DGKH: variants seen among roughly 807,000 people sequenced by gnomAD.
DGKH encodes the protein diacylglycerol kinase eta, also known as DAG kinase eta.
DGKH carries 90 observed loss-of-function variants against 159.3 expected under a neutral mutation model. The observed-to-expected ratio is 0.57, with a 90% CI of 0.48 to 0.67. The LOEUF is 0.67. DGKH is among the 30% of genes least tolerant of loss of function. The probability of loss-of-function intolerance (pLI) is 0.00; values close to 1 mark genes in which losing one functional copy is unlikely to be tolerated. For missense variants in DGKH, 1,181 were observed against 1,506.1 expected, an observed-to-expected ratio of 0.78 and a Z score of 3.57; for synonymous variants, 536 against 553.8, an observed-to-expected ratio of 0.97 and a Z score of 0.45.
chr13:42,099,837 G>GT (rs926460656), intron 1 of DGKH, among the ~76,000 whole-genome samples: 5 of 152,146 alleles, frequency 3.3e-5, no homozygotes, highest in African/African-American at 1.2e-4. Flanking sequence ...GTTGAAGGAT[G>GT]TTTAGGGTGT....
chr13:42,075,679 G>A (rs1679497491), intron 1 of DGKH, among the ~76,000 whole-genome samples: 1 of 152,088 alleles, frequency 6.6e-6, no homozygotes, highest in Non-Finnish European at 1.5e-5. Flanking sequence ...TGCAGGTGGG[G>A]ACTCTTTTAA....
chr13:42,199,786 A>C, intron 19 of DGKH, 27 bp from the exon 20 acceptor site: 1 of 1,587,884 alleles, frequency 6.3e-7, no homozygotes, highest in South Asian at 1.2e-5. Context: ...AAATTTCCTG[A>C]AATTGCCTGC....
intron 3 of DGKH, among the ~76,000 whole-genome samples, chr13:42,143,577 G>T (rs969524861): frequency 4.6e-5 from 7 of 152,224 alleles, no homozygotes; most frequent in South Asian, 4.1e-4. Context: ...CAATTTCAGA[G>T]CCTGTTATTG....
rs544295432 is a variant in DGKH, at chr13:42,063,084, T to TA, written c.192+14120dup. ...AGAATATTAAAAGCTGTGTGTATTT[T>TA]AGGATTATTGTGAAAATAGTGTTGA... On this transcript the variant is annotated intron_variant, in intron 1 of 29. Transcript: ENST00000337343. Among the ~76,000 whole-genome samples the TA allele has an allele frequency of 5.1e-3, 781 of 152,372 alleles. 4 individuals are homozygous for TA. Among genetic ancestry groups the TA allele is most frequent in the Non-Finnish European group, 7.4e-3 (506 of 68,028 alleles).
chr13:42,179,866 T>C (rs1427644598), intron 13 of DGKH, among the ~76,000 whole-genome samples: 4 of 151,808 alleles, frequency 2.6e-5, no homozygotes, highest in Non-Finnish European at 4.4e-5. Flanking sequence ...TTAAGAATGA[T>C]AGGGAGAAAA....
intron 6 of DGKH, 92 bp from the exon 7 acceptor site, chr13:42,159,919 C>T: frequency 6.3e-7 from 1 of 1,582,318 alleles, no homozygotes; most frequent in East Asian, 2.2e-5. Context: ...TACTACTGAC[C>T]CTCTAGAGTG....
chr13:42,204,878 G>T (rs1449965203), intron 20 of DGKH, among the ~76,000 whole-genome samples: 1 of 152,088 alleles, frequency 6.6e-6, no homozygotes. Context: ...TCCTAGACCA[G>T]TAGGACTTAA....
At chr13:42,123,376 T>C (rs189365408) in intron 1 of DGKH, among the ~76,000 whole-genome samples, 1 of 152,296 alleles carries the variant, frequency 6.6e-6, no homozygotes, top group Non-Finnish European at 1.5e-5. Flanking sequence ...TTGAGATTAA[T>C]AGTCATGCAT....
At chr13:42,143,359 CT>C (rs969199453) in intron 3 of DGKH, among the ~76,000 whole-genome samples, 13 of 151,778 alleles carry the variant, frequency 8.6e-5, no homozygotes, top group African/African-American at 2.9e-4. Flanking sequence ...CTAAAATTCT[CT>C]TTTTTTTGTC....
At chr13:42,247,562 T>G (rs1158840267), downstream of DGKH, among the ~76,000 whole-genome samples, 2 of 152,198 alleles carry the variant, frequency 1.3e-5, no homozygotes, top group Non-Finnish European at 2.9e-5. Flanking sequence ...TAGAGGGTAC[T>G]CCTACTTATT....
In DGKH at chr13:42,048,928, T is replaced by G; in HGVS notation, c.155T>G (p.Ile52Ser). ...GAGCAAGAGGGACCCCAGAAACTGA[T>G]CCGCAAAGTGTCTACCTCGGGGCAG... ...EAEQEGPQKL[I>S]RKVSTSGQIR... Residue 52 changes from isoleucine (I) to serine (S), a missense_variant, in exon 1 of 30, where the codon ATC becomes AGC. Coordinates refer to ENST00000337343, the MANE Select transcript of DGKH (RefSeq NM_178009.5). The surrounding 1 kb of genome is among the most constrained non-coding windows in gnomAD (Gnocchi z 6.7). The G allele has an allele frequency of 7.5e-7, 1 of 1,330,084 alleles. No individual in the cohort carries two copies. Among genetic ancestry groups the G allele is most frequent in the Non-Finnish European group, 9.7e-7 (1 of 1,032,576 alleles). The allele number at this position is 1,330,084 out of a possible 1,614,324, so 82.4% of individuals were successfully genotyped here. A position where few individuals can be genotyped will look rare whatever the true frequency, so the allele number is the denominator to read the frequency against.
intron 3 of DGKH, among the ~76,000 whole-genome samples, chr13:42,132,175 T>A (rs978004174): frequency 6.6e-6 from 1 of 152,214 alleles, no homozygotes; most frequent in Non-Finnish European, 1.5e-5. Context: ...TGTACATATT[T>A]GTAGGATACA....
chr13:42,050,100 G>A (rs1192975341), intron 1 of DGKH, among the ~76,000 whole-genome samples: 1 of 152,230 alleles, frequency 6.6e-6, no homozygotes, highest in Non-Finnish European at 1.5e-5. Flanking sequence ...GCCGGTAACG[G>A]TGGCTCATGC....
intron 1 of DGKH, among the ~76,000 whole-genome samples, chr13:42,086,577 A>G (rs1374653889): frequency 6.6e-6 from 1 of 152,230 alleles, no homozygotes; most frequent in Non-Finnish European, 1.5e-5. Context: ...ATTTTATACA[A>G]ATGGATTTTT....
intron 1 of DGKH, among the ~76,000 whole-genome samples, chr13:42,123,556 T>C (rs1955114972): frequency 6.8e-6 from 1 of 146,682 alleles, no homozygotes; most frequent in Non-Finnish European, 1.5e-5. Context: ...AAAAAAAAAG[T>C]CACAGACTGG....
chr13:42,135,489 C>CACAAAAAAAAAAAAAAAAAAA lies in DGKH; in HGVS notation c.384+5858_384+5859insCAAAAAAAAAAAAAAAAAAAA, dbSNP rs1223953901. Among the ~76,000 whole-genome samples, 208 of 50,898 alleles carry CACAAAAAAAAAAAAAAAAAAA rather than the reference C, an allele frequency of 4.1e-3. 14 individuals carry two copies. Among genetic ancestry groups the CACAAAAAAAAAAAAAAAAAAA allele is most frequent in the Middle Eastern group, 0.014 (1 of 72 alleles). 33.4% of individuals were successfully genotyped at this position (50,898 alleles called of 152,430 possible). ...TGGGTGGCAGAGAAAGACCCTGTCTCAGAAAAAAAAAAAAAAAAAGAGAGA... is the reference window on the plus strand; with the variant it reads ...TGGGTGGCAGAGAAAGACCCTGTCTCACAAAAAAAAAAAAAAAAAAAAGAAAAAAAAAAAAAAAAAGAGAGA... On this transcript the variant is annotated intron_variant, in intron 3 of 29. Coordinates refer to ENST00000337343, the MANE Select transcript of DGKH (RefSeq NM_178009.5).
rs751028687 is a variant in DGKH at position 42,129,534 on chromosome 13, G to GT, written c.304-10dup. ...AGGTTTTCTTCTAATGTCTTTGTAT[G>GT]TTTTTTTTCATTAACAGTCTCTGAT... On this transcript the variant is annotated splice_polypyrimidine_tract_variant and intron_variant, in intron 2 of 29. Transcript: ENST00000337343. The GT allele has an allele frequency of 2.8e-5, 45 of 1,584,494 alleles. No homozygotes were observed. Among genetic ancestry groups the GT allele is most frequent in the Middle Eastern group, 1.7e-4 (1 of 6,022 alleles).
In DGKH at chr13:42,242,292, A is replaced by G. The variant is rs1958528716; in HGVS notation, c.*13104A>G. 6.6e-6 allele frequency: 1 copy of G among 152,214 alleles called. No individual in the cohort carries two copies. The highest frequency in any genetic ancestry group is 6.5e-5 in the Admixed American group (1 of 15,286). The allele number at this position is 152,214 out of a possible 1,614,324, so 9.4% of individuals were successfully genotyped here. A position where few individuals can be genotyped will look rare whatever the true frequency, so the allele number is the denominator to read the frequency against. On this transcript the variant is annotated 3_prime_UTR_variant, in exon 30 of 30. Transcript: ENST00000337343. ...AATTTAGCCTTGCCGTATTATTTAT[A>G]GTTAGGAATTTACTACATTTTGGTA... is the stretch of plus-strand genomic sequence containing the variant.
At chr13:42,205,071 ATTATT>A (rs1957431102) in intron 20 of DGKH, among the ~76,000 whole-genome samples, 1 of 152,208 alleles carries the variant, frequency 6.6e-6, no homozygotes, top group African/African-American at 2.4e-5. Flanking sequence ...TAATATAAGA[ATTATT>A]TAATGAAAAT....
Sources: allele counts gnomAD v4.1 joint callset (sites outside exome capture counted in the v4.1 genomes callset), GRCh38; gene constraint gnomAD v4.1.1; non-coding constraint Gnocchi (gnomAD v3.1); transcripts MANE v1.5; gene names NCBI Gene and HGNC (gene_info 2026-07-23, HGNC 2026-07-21).